The following MBNL1 variants were observed in gnomAD, a reference collection of about 807,000 sequenced individuals.
MBNL1 encodes muscleblind-like protein 1.
In MBNL1, 8 loss-of-function variants were observed where a neutral mutation model predicts 42.2. The ratio of observed to expected loss-of-function variants is 0.19; its 90% CI spans 0.11 to 0.34. MBNL1 has a LOEUF of 0.34. Ranked by LOEUF, MBNL1 falls within the 10% of genes least tolerant of loss-of-function variation. The pLI is 1.00. For missense variants in MBNL1, 309 were observed against 495.3 expected, an observed-to-expected ratio of 0.62 and a Z score of 3.57; for synonymous variants, 169 against 173.9, an observed-to-expected ratio of 0.97 and a Z score of 0.22.
At chr3:152,449,417 AAAC>A (rs1244092934) in intron 6 of MBNL1, 1 of 152,216 alleles carries the variant, frequency 6.6e-6, no homozygotes, top group Non-Finnish European at 1.5e-5. Flanking sequence ...AAAGTCTAAA[AAAC>A]AAATCTGTGC....
chr3:152,343,765 G>C (rs1420439940), intron 2 of MBNL1, among the ~76,000 whole-genome samples: 6 of 152,076 alleles, frequency 3.9e-5, no homozygotes, highest in Non-Finnish European at 7.4e-5. Flanking sequence ...ATTCCAAATT[G>C]TTTAAAAAAT....
intron 6 of MBNL1, among the ~76,000 whole-genome samples, chr3:152,452,461 G>A (rs1725265975): frequency 6.6e-6 from 1 of 152,146 alleles, no homozygotes; most frequent in South Asian, 2.1e-4. Flanking sequence ...TTCTCAGACA[G>A]GCTATGCATT....
intron 8 of MBNL1, chr3:152,458,532 A>G (rs570988042): frequency 1.1e-4 from 29 of 269,482 alleles, no homozygotes; most frequent in Non-Finnish European, 1.9e-4. Context: ...CACCCGTGTC[A>G]TCAGTCCTCT....
At chr3:152,278,482 G>T (rs971528128) in intron 1 of MBNL1, among the ~76,000 whole-genome samples, 2 of 152,000 alleles carry the variant, frequency 1.3e-5, no homozygotes, top group Non-Finnish European at 2.9e-5. Context: ...CAATAGGAAA[G>T]ACTTTAGAAA....
At chr3:152,367,101 AC>A (rs1464676746) in intron 2 of MBNL1, among the ~76,000 whole-genome samples, 1 of 152,144 alleles carries the variant, frequency 6.6e-6, no homozygotes, top group Non-Finnish European at 1.5e-5. Context: ...GGTTTGTTAC[AC>A]GTGCCATGGT....
chr3:152,318,077 T>A (rs1278230832), intron 2 of MBNL1, among the ~76,000 whole-genome samples: 1 of 152,334 alleles, frequency 6.6e-6, no homozygotes, highest in African/African-American at 2.4e-5. Context: ...AAATTGATGG[T>A]CAACCTTAGC....
intron 2 of MBNL1, among the ~76,000 whole-genome samples, chr3:152,398,783 T>C (rs1298732145): frequency 1.3e-5 from 2 of 152,210 alleles, no homozygotes; most frequent in Non-Finnish European, 2.9e-5. Flanking sequence ...CAATCTGTAA[T>C]ACAGTATTTG....
chr3:152,282,310 A>T (rs903978261), intron 1 of MBNL1, among the ~76,000 whole-genome samples: 4 of 152,194 alleles, frequency 2.6e-5, no homozygotes, highest in Admixed American at 1.3e-4. Flanking sequence ...TTTGAAAATG[A>T]TTTTACCTTT....
intron 2 of MBNL1, among the ~76,000 whole-genome samples, chr3:152,332,713 TGTGTGTGTGTGTGTGTGTGTGTGTGTGC>T (rs2085722380): frequency 8.0e-6 from 1 of 124,496 alleles, no homozygotes; most frequent in African/African-American, 3.4e-5. Context: ...TGTGTGTGTG[TGTGTGTGTGTGTGTGTGTGTGTGTGTGC>T]GCGCGCGCAT....
intron 2 of MBNL1, among the ~76,000 whole-genome samples, chr3:152,319,482 G>A (rs767776989): frequency 2.5e-4 from 38 of 152,110 alleles, no homozygotes; most frequent in Middle Eastern, 6.8e-3. Flanking sequence ...AGAATATATT[G>A]TCTTCATTTC....
intron 2 of MBNL1, among the ~76,000 whole-genome samples, chr3:152,327,779 A>C (rs772615102): frequency 1.4e-4 from 21 of 151,024 alleles, no homozygotes; most frequent in African/African-American, 4.6e-4. Context: ...ATTTTTTTCT[A>C]TATATATATA....
intron 2 of MBNL1, among the ~76,000 whole-genome samples, chr3:152,378,825 TC>T (rs1351118255): frequency 6.6e-6 from 1 of 152,092 alleles, no homozygotes; most frequent in Non-Finnish European, 1.5e-5. Flanking sequence ...CAAGCAAACC[TC>T]CTATCTCAGG....
chr3:152,372,855 G>T (rs1324549242), intron 2 of MBNL1, among the ~76,000 whole-genome samples: 3 of 152,224 alleles, frequency 2.0e-5, no homozygotes, highest in Non-Finnish European at 4.4e-5. Flanking sequence ...TCTCTTCAGA[G>T]CTGGCAGGCA....
intron 1 of MBNL1, among the ~76,000 whole-genome samples, chr3:152,294,538 C>T (rs1276696112): frequency 6.6e-6 from 1 of 152,040 alleles, no homozygotes; most frequent in African/African-American, 2.4e-5. Flanking sequence ...CCTGCCTCGG[C>T]CTCCCAAAGT....
At chr3:152,296,271 A>G (rs2058495660) in intron 1 of MBNL1, among the ~76,000 whole-genome samples, 1 of 152,198 alleles carries the variant, frequency 6.6e-6, no homozygotes, top group African/African-American at 2.4e-5. Flanking sequence ...AGCTAAGAGA[A>G]GGAACTGCTG....
In MBNL1 at chr3:152,464,115, T is replaced by C. The variant is rs1050008606; in HGVS notation, c.*1749T>C. The C allele has an allele frequency of 6.6e-6, 1 of 152,594 alleles. No homozygotes were observed. 9.5% of individuals were successfully genotyped at this position (152,594 alleles called of 1,614,324 possible). A position where few individuals can be genotyped will look rare whatever the true frequency, so the allele number is the denominator to read the frequency against. On this transcript the variant is annotated 3_prime_UTR_variant, in exon 10 of 10. Transcript: ENST00000324210. ...ATTATAGAATATTACTTATTTTTCT[T>C]GTTAAAATGTAGTTTTTCATTTCCT...
chr3:152,293,333 C>T (rs1249752940), intron 1 of MBNL1, among the ~76,000 whole-genome samples: 2 of 152,168 alleles, frequency 1.3e-5, no homozygotes, highest in Non-Finnish European at 2.9e-5. Context: ...TAATGTATAA[C>T]ATCTTTGTTA....
In MBNL1 at chr3:152,303,968, A is replaced by G. The variant is rs571650516; in HGVS notation, c.174+3601A>G. Among the ~76,000 whole-genome samples, 34 of 152,298 alleles carry G rather than the reference A, an allele frequency of 2.2e-4. No homozygotes were observed. In the South Asian group the frequency reaches 6.6e-3, roughly 30 times the overall value. ...AAGATAATTAAAATTTCTTTTTGCT[A>G]TATACAGTGATATCTATCTATAAAT... On this transcript the variant is annotated intron_variant, in intron 2 of 9. Transcript: ENST00000324210.
chr3:152,269,130 ATTG>A (rs1355234258), intron 1 of MBNL1, 38 bp downstream of exon 1: 2 of 445,234 alleles, frequency 4.5e-6, no homozygotes, highest in Non-Finnish European at 9.0e-6. Context: ...GCGCCGCTTC[ATTG>A]TTCGGACTCC....
Sources: allele counts gnomAD v4.1 joint callset (sites outside exome capture counted in the v4.1 genomes callset), GRCh38; gene constraint gnomAD v4.1.1; transcripts MANE v1.5; gene names NCBI Gene and HGNC (gene_info 2026-07-23, HGNC 2026-07-21).